SULT6B1: variants seen among roughly 807,000 people sequenced by gnomAD.
SULT6B1 encodes sulfotransferase family 6B member 1, also known as sulfotransferase 6B1.
Under a neutral mutation model 37.2 loss-of-function variants are expected in SULT6B1, and 44 were observed. That is an observed-to-expected ratio of 1.18 (90% confidence interval 0.93 to 1.52). The LOEUF (loss-of-function observed/expected upper bound fraction) is 1.52, where lower values mean the gene tolerates loss of function less well. Among genes scored for constraint, SULT6B1 ranks in the 40% most tolerant of loss-of-function variants. The pLI, the probability that SULT6B1 is intolerant of heterozygous loss-of-function variation, is 0.00. For synonymous variants in SULT6B1, 140 were observed against 126.0 expected, an observed-to-expected ratio of 1.11 and a Z score of -0.74; for missense variants, 450 against 361.0, an observed-to-expected ratio of 1.25 and a Z score of -2.00.
rs757964565 is a variant in SULT6B1, at chr2:37,188,609, A to G, written c.32T>C (p.Ile11Thr). The change falls in exon 1 of 7, where the codon ATT becomes ACT. Residue 11 changes from isoleucine to threonine, a missense_variant. Ile to Thr is a moderately conservative substitution (Grantham distance 89). Transcript: ENST00000535679. MADKSKFIEY[I>T]DEALEKSKET... is the part of the protein sequence containing the mutation. ...TTTTGATTTTTCTAAAGCTTCGTCA[A>G]TGTATTCAATAAATTTGGATTTATC... 6.9e-7 allele frequency: 1 copy of G among 1,452,588 alleles called. No individual in the cohort carries two copies. The highest frequency in any genetic ancestry group is 1.1e-5 in the South Asian group (1 of 87,458). 90.0% of individuals were successfully genotyped at this position (1,452,588 alleles called of 1,614,324 possible). A position where few individuals can be genotyped will look rare whatever the true frequency, so the allele number is the denominator to read the frequency against.
chr2:37,169,463 GGTTT>G (rs1175196166), intron 6 of SULT6B1, among the ~76,000 whole-genome samples: 6 of 151,954 alleles, frequency 3.9e-5, no homozygotes, highest in African/African-American at 9.7e-5. Context: ...TGGGTTTTTT[GGTTT>G]GTTTGTTTTT....
In SULT6B1 at chr2:37,168,072, C is replaced by A; in HGVS notation, c.782-7G>T. On this transcript the variant is annotated splice_region_variant and splice_polypyrimidine_tract_variant and intron_variant, in intron 6 of 6. Transcript: ENST00000535679. Reference sequence around the variant, plus strand: ...TTCCAATCACCAACTTCACCTACAACACACAAAAAACAGTAGACCCAGATA... The same window carrying A: ...TTCCAATCACCAACTTCACCTACAAAACACAAAAAACAGTAGACCCAGATA... 1.3e-6 allele frequency: 2 copies of A among 1,575,880 alleles called. No homozygotes were observed. The highest frequency in any genetic ancestry group is 8.6e-7 in the Non-Finnish European group (1 of 1,168,850).
rs778812607 is a variant in SULT6B1, at chr2:37,187,474, G to A, written c.200-7C>T. ...TGGAGAATCCAGTTTGAACCTATCA[G>A]AAAAATCAGAGAATAAAAACTCATT... On this transcript the variant is annotated splice_region_variant and splice_polypyrimidine_tract_variant and intron_variant, in intron 1 of 6. Transcript: ENST00000535679. 2.2e-5 allele frequency: 33 copies of A among 1,530,804 alleles called. No individual in the cohort carries two copies. The highest frequency in any genetic ancestry group is 2.9e-5 in the Non-Finnish European group (32 of 1,119,272). The allele number at this position is 1,530,804 out of a possible 1,614,324, so 94.8% of individuals were successfully genotyped here. A position where few individuals can be genotyped will look rare whatever the true frequency, so the allele number is the denominator to read the frequency against.
upstream of SULT6B1, among the ~76,000 whole-genome samples, chr2:37,193,196 C>T (rs551637218): frequency 3.3e-4 from 50 of 151,684 alleles, no homozygotes; most frequent in African/African-American, 1.0e-3. Flanking sequence ...TGGCTCACAC[C>T]TATAATACCA....
intron 2 of SULT6B1, among the ~76,000 whole-genome samples, chr2:37,186,923 A>G (rs1317686900): frequency 6.6e-6 from 1 of 152,148 alleles, no homozygotes; most frequent in Admixed American, 6.5e-5. Flanking sequence ...TACTAGGAAA[A>G]GACTGGTGAT....
chr2:37,195,649 A>G (rs541934302), intron 1 of SULT6B1, among the ~76,000 whole-genome samples: 71 of 152,322 alleles, frequency 4.7e-4, no homozygotes, highest in Non-Finnish European at 6.5e-4. Context: ...ATGAAGGTAG[A>G]TCTGTGCCTG....
intron 6 of SULT6B1, among the ~76,000 whole-genome samples, chr2:37,169,597 C>T (rs1342668906): frequency 1.3e-5 from 2 of 152,172 alleles, no homozygotes; most frequent in Non-Finnish European, 1.5e-5. Context: ...TCAAGCAGTT[C>T]TCTGACTCAG....
rs184550176 is a variant in SULT6B1, at chr2:37,171,447, G to C, written c.768C>G (p.Phe256Leu). The C allele has an allele frequency of 1.4e-5, 22 of 1,613,626 alleles. No individual in the cohort carries two copies. The Admixed American group carries it at 3.5e-4, about 26-fold the overall frequency. ...SQDTHGAVGPFLFRKGEVGDW... is the reference protein window; with the variant it reads ...SQDTHGAVGPLLFRKGEVGDW... ...ATGCGACTTTACCTTTGCGGAAAAG[G>C]AATGGGCCGACAGCACCGTGTGTGT... is the stretch of plus-strand genomic sequence containing the variant. The change falls in exon 6 of 7, where the codon TTC (phenylalanine) becomes TTG (leucine). Residue 256 changes from phenylalanine to leucine, a missense_variant. Physicochemically the swap from Phe to Leu is conservative, Grantham distance 22. Coordinates refer to ENST00000535679, the MANE Select transcript of SULT6B1 (RefSeq NM_001367551.1).
chr2:37,177,686 A>G (rs1453953026), intron 4 of SULT6B1, among the ~76,000 whole-genome samples: 37 of 152,202 alleles, frequency 2.4e-4, no homozygotes, highest in Admixed American at 2.4e-3. Flanking sequence ...ATACCATATA[A>G]TATTCGTTAA....
chr2:37,174,960 A>AT (rs1676381757), intron 5 of SULT6B1, among the ~76,000 whole-genome samples, 172 bp downstream of exon 5: 2 of 152,212 alleles, frequency 1.3e-5, no homozygotes, highest in East Asian at 3.8e-4. Context: ...TAAATAAACA[A>AT]CCTAAGCATG....
At chr2:37,174,694 C>T (rs1219690984) in intron 5 of SULT6B1, among the ~76,000 whole-genome samples, 1 of 152,150 alleles carries the variant, frequency 6.6e-6, no homozygotes, top group Non-Finnish European at 1.5e-5. Flanking sequence ...TACAGGGCAG[C>T]GATCTTTGCC....
chr2:37,185,717 C>CA (rs200087048), intron 2 of SULT6B1, among the ~76,000 whole-genome samples: 10,811 of 82,982 alleles, frequency 0.13, 1,029 homozygotes, highest in African/African-American at 0.26. Flanking sequence ...GACTCCATTT[C>CA]AAAAAAAAAA....
At chr2:37,187,538 T>C (rs1676700968) in intron 1 of SULT6B1, 71 bp from the exon 2 acceptor site, 1 of 861,816 alleles carries the variant, frequency 1.2e-6, no homozygotes, top group South Asian at 2.0e-5. Context: ...TACTTTAGCA[T>C]ATACATGATA....
At chr2:37,195,239 C>G (rs191325099) in intron 1 of SULT6B1, among the ~76,000 whole-genome samples, 1 of 152,114 alleles carries the variant, frequency 6.6e-6, no homozygotes, top group African/African-American at 2.4e-5. Flanking sequence ...TGTGAGCCAC[C>G]GCACCAAGCC....
In SULT6B1 at chr2:37,171,500, A is replaced by G. The variant is rs771981434; in HGVS notation, c.715T>C (p.Phe239Leu). 6.2e-7 allele frequency: 1 copy of G among 1,614,214 alleles called. No homozygotes were observed. Among genetic ancestry groups the G allele is most frequent in the Non-Finnish European group, 8.5e-7 (1 of 1,180,036 alleles). ...QIQTISVQST[F>L]QAMRAKSQDT... ...TGAGACTTCGCACGCATGGCTTGGA[A>G]GGTGCTCTGGACTGAGATAGTTTGA... The change falls in exon 6 of 7, where the codon TTC (phenylalanine) becomes CTC (leucine). Residue 239 changes from phenylalanine to leucine, a missense_variant. Physicochemically the swap from Phe to Leu is conservative, Grantham distance 22. Coordinates refer to ENST00000535679, the MANE Select transcript of SULT6B1 (RefSeq NM_001367551.1).
At chr2:37,185,877 T>C (rs1676662882) in intron 2 of SULT6B1, among the ~76,000 whole-genome samples, 1 of 152,044 alleles carries the variant, frequency 6.6e-6, no homozygotes, top group African/African-American at 2.4e-5. Flanking sequence ...CCTACCTAGG[T>C]CAAAGCTTCT....
chr2:37,193,131 C>A (rs1355094700), upstream of SULT6B1, among the ~76,000 whole-genome samples: 1 of 151,980 alleles, frequency 6.6e-6, no homozygotes, highest in South Asian at 2.1e-4. Context: ...TGGCTCAAGC[C>A]CCAGAGGCAG....
intron 4 of SULT6B1, among the ~76,000 whole-genome samples, chr2:37,175,987 A>T (rs1190417574): frequency 2.6e-5 from 4 of 152,324 alleles, no homozygotes; most frequent in South Asian, 2.1e-4. Context: ...CCATTTTTTT[A>T]AAATGAGAAA....
intron 5 of SULT6B1, among the ~76,000 whole-genome samples, chr2:37,174,491 C>T (rs1227672064): frequency 6.6e-6 from 1 of 152,090 alleles, no homozygotes; most frequent in Non-Finnish European, 1.5e-5. Context: ...AACCACCACA[C>T]CAGCCTAAAC....
Sources: allele counts gnomAD v4.1 joint callset (sites outside exome capture counted in the v4.1 genomes callset), GRCh38; gene constraint gnomAD v4.1.1; transcripts MANE v1.5; gene names NCBI Gene and HGNC (gene_info 2026-07-23, HGNC 2026-07-21).